RTKN2: variants seen among roughly 807,000 people sequenced by gnomAD.
The protein encoded by RTKN2 is rhotekin 2.
A neutral mutation model predicts 71.5 loss-of-function variants in RTKN2; 69 were observed. That is an observed-to-expected ratio of 0.96 (90% CI 0.79 to 1.18). The LOEUF is 1.18. RTKN2 is among the 50% of genes most tolerant of loss of function. RTKN2 has a pLI of 0.00. For missense variants in RTKN2, 724 were observed against 719.7 expected (o/e 1.01, Z -0.07); for synonymous variants, 236 against 236.5 (o/e 1.00, Z 0.02).
intron 7 of RTKN2, among the ~76,000 whole-genome samples, chr10:62,221,697 T>C (rs1232900098): frequency 6.6e-6 from 1 of 152,188 alleles, no homozygotes; most frequent in Non-Finnish European, 1.5e-5. Context: ...ATACCTCTTG[T>C]AGTAATATGA....
At chr10:62,260,769 T>C (rs1842758355) in intron 2 of RTKN2, among the ~76,000 whole-genome samples, 1 of 152,200 alleles carries the variant, frequency 6.6e-6, no homozygotes, top group East Asian at 1.9e-4. Flanking sequence ...ATTATAAATA[T>C]TTAAAGAGCA....
At chr10:62,235,835 T>C (rs1842246611) in intron 6 of RTKN2, among the ~76,000 whole-genome samples, 1 of 152,062 alleles carries the variant, frequency 6.6e-6, no homozygotes, top group African/African-American at 2.4e-5. Context: ...AGATAAGGGA[T>C]ATTCAACTTG....
rs566077978 is a variant in RTKN2 at position 62,194,287 on chromosome 10, GATTTC to G, written c.*3616_*3620del. The G allele has an allele frequency of 1.0e-5, 10 of 983,084 alleles. No individual in the cohort carries two copies. The African/African-American group carries it at 1.7e-4, about 17-fold the overall frequency. 60.9% of individuals were successfully genotyped at this position (983,084 alleles called of 1,614,324 possible). On this transcript the variant is annotated 3_prime_UTR_variant, in exon 12 of 12. Transcript: ENST00000373789. ...GAACATCTATGATCCAGAATATGCA[GATTTC>G]ATTTAACTATTAATAGCAATGAAGC... is the stretch of plus-strand genomic sequence containing the variant.
chr10:62,189,787 C>T (rs1841191629), downstream of RTKN2, among the ~76,000 whole-genome samples: 1 of 151,794 alleles, frequency 6.6e-6, no homozygotes, highest in South Asian at 2.1e-4. Flanking sequence ...CAAGATCACG[C>T]CACTGTAGTC....
rs1205733400 is a variant in RTKN2, at chr10:62,268,710, G to T, written c.-100C>A. On this transcript the variant is annotated 5_prime_UTR_variant, in exon 1 of 12. Transcript: ENST00000373789. ...CGCAGAGGACGCCAACCGCCCGGCC[G>T]TACCAAGTCCCAGTCGCAGGGGCCG... 5.5e-6 allele frequency: 7 copies of T among 1,269,718 alleles called. No homozygotes were observed. The highest frequency in any genetic ancestry group is 2.3e-5 in the Admixed American group (1 of 43,136). The allele number at this position is 1,269,718 out of a possible 1,614,324, so 78.7% of individuals were successfully genotyped here.
At chr10:62,221,527 G>A (rs1211017805) in intron 7 of RTKN2, among the ~76,000 whole-genome samples, 2 of 152,088 alleles carry the variant, frequency 1.3e-5, no homozygotes, top group Non-Finnish European at 1.5e-5. Flanking sequence ...GCTGTTTGAA[G>A]AGGCATGTTT....
chr10:62,249,741 CAG>C (rs1288167832), intron 2 of RTKN2, among the ~76,000 whole-genome samples: 1 of 152,140 alleles, frequency 6.6e-6, no homozygotes. Context: ...CACTATCTCA[CAG>C]AGATACTAAA....
intron 9 of RTKN2, among the ~76,000 whole-genome samples, chr10:62,210,654 C>G (rs978895132): frequency 6.6e-6 from 1 of 151,998 alleles, no homozygotes; most frequent in African/African-American, 2.4e-5. Context: ...TATATATACT[C>G]TAATGACAAA....
intron 9 of RTKN2, among the ~76,000 whole-genome samples, chr10:62,212,672 C>CAGCCTGAG (rs1841687697): frequency 6.6e-6 from 1 of 152,036 alleles, no homozygotes; most frequent in South Asian, 2.1e-4. Flanking sequence ...CATTGCACTC[C>CAGCCTGAG]AGCCTGAGAG....
At chr10:62,230,739 G>A (rs1377252124) in intron 6 of RTKN2, among the ~76,000 whole-genome samples, 1 of 152,166 alleles carries the variant, frequency 6.6e-6, no homozygotes, top group Non-Finnish European at 1.5e-5. Flanking sequence ...AGGTATACTG[G>A]AAAGAGAGCC....
At chr10:62,188,925 T>G (rs1173998186), downstream of RTKN2, among the ~76,000 whole-genome samples, 2 of 151,830 alleles carry the variant, frequency 1.3e-5, no homozygotes, top group Non-Finnish European at 2.9e-5. Context: ...TTTTTTGTAT[T>G]TTTAGTAGAG....
chr10:62,244,940 A>AG (rs1157999155), intron 3 of RTKN2, among the ~76,000 whole-genome samples: 2 of 152,204 alleles, frequency 1.3e-5, no homozygotes, highest in Non-Finnish European at 2.9e-5. Flanking sequence ...ACAGTTCCTT[A>AG]GGTGACAGTA....
downstream of RTKN2, among the ~76,000 whole-genome samples, chr10:62,188,872 T>C (rs956338479): frequency 6.6e-6 from 1 of 151,774 alleles, no homozygotes; most frequent in Non-Finnish European, 1.5e-5. Flanking sequence ...CTCAGCCTCC[T>C]GAGTAGCTGG....
Position 62,239,631 on chromosome 10 carries a change from G to T in RTKN2, c.488+17C>A. On this transcript the variant is annotated intron_variant, in intron 5 of 11. Coordinates refer to ENST00000373789, the MANE Select transcript of RTKN2 (RefSeq NM_145307.4). ...TTTTAAATTATTTTTATTCTCTGAA[G>T]ATTAAAAAATACTTACAATATGGTT... 4.6e-6 allele frequency: 5 copies of T among 1,086,228 alleles called. No individual in the cohort carries two copies. Among genetic ancestry groups the T allele is most frequent in the Non-Finnish European group, 6.6e-6 (5 of 754,560 alleles). The allele number at this position is 1,086,228 out of a possible 1,614,324, so 67.3% of individuals were successfully genotyped here.
intron 10 of RTKN2, among the ~76,000 whole-genome samples, chr10:62,202,894 C>G (rs1841472484): frequency 6.6e-6 from 1 of 152,232 alleles, no homozygotes; most frequent in Non-Finnish European, 1.5e-5. Flanking sequence ...GGTGCGGTGG[C>G]TCACACCTGT....
intron 7 of RTKN2, among the ~76,000 whole-genome samples, chr10:62,221,052 T>C (rs1375222151): frequency 6.6e-6 from 1 of 151,330 alleles, no homozygotes; most frequent in Non-Finnish European, 1.5e-5. Flanking sequence ...GAGGGAAAAG[T>C]ATCCCAGATG....
intron 9 of RTKN2, among the ~76,000 whole-genome samples, chr10:62,213,693 T>G (rs1376581751): frequency 6.6e-6 from 1 of 152,086 alleles, no homozygotes; most frequent in Non-Finnish European, 1.5e-5. Context: ...TATCAAAGTC[T>G]TATGTTCAAA....
chr10:62,259,323 T>A (rs745507167), intron 2 of RTKN2: 1 of 272,576 alleles, frequency 3.7e-6, no homozygotes, highest in African/African-American at 2.3e-5. Flanking sequence ...GAAAATGAAC[T>A]AATACAATAT....
chr10:62,243,263 G>A (rs1224469276), intron 3 of RTKN2, among the ~76,000 whole-genome samples: 1 of 150,962 alleles, frequency 6.6e-6, no homozygotes, highest in Non-Finnish European at 1.5e-5. Flanking sequence ...ATTTTAGCTA[G>A]AACTTCTAAA....
Sources: gnomAD v4.1 joint callset for allele counts (sites outside exome capture counted in the v4.1 genomes callset) on GRCh38, gnomAD v4.1.1 for gene constraint, MANE v1.5 for transcripts, NCBI Gene and HGNC (gene_info 2026-07-23, HGNC 2026-07-21) for gene names.